Variants in SGCE observed in about 807,000 individuals in gnomAD.
The protein encoded by SGCE is sarcoglycan epsilon.
A neutral mutation model predicts 57.8 loss-of-function variants in SGCE; 26 were observed. The observed-to-expected ratio is 0.45, with a 90% CI of 0.33 to 0.62. SGCE has a LOEUF of 0.62. SGCE is among the 20% of genes least tolerant of loss of function. SGCE has a pLI of 0.02. For missense variants in SGCE, 468 were observed against 548.6 expected (o/e 0.85, Z 1.47); for synonymous variants, 183 against 189.5 (o/e 0.97, Z 0.28).
rs149295657 is a variant in SGCE at position 94,628,315 on chromosome 7, C to A, written c.277G>T (p.Gly93Cys). 3.7e-6 allele frequency: 6 copies of A among 1,611,120 alleles called. No individual in the cohort carries two copies. In the African/African-American group the frequency reaches 6.7e-5, roughly 18 times the overall value. The change falls in exon 3 of 11, where the codon GGT (glycine) becomes TGT (cysteine). Residue 93 changes from glycine to cysteine, a missense_variant. Coordinates refer to ENST00000648936, the MANE Select transcript of SGCE (RefSeq NM_003919.3). The stretch of plus-strand genomic sequence containing the variant: ...AGCCATCCAGGTCGGTCTGGGTAAC[C>A]CATTAAATTTGTATTAAATGTTATG... Reference protein sequence around the residue: ...DPITFNTNLMGYPDRPGWLRY... With the variant: ...DPITFNTNLMCYPDRPGWLRY...
intron 5 of SGCE, among the ~76,000 whole-genome samples, chr7:94,615,395 T>C (rs1380292638): frequency 6.6e-6 from 1 of 150,838 alleles, no homozygotes; most frequent in Admixed American, 6.6e-5. Flanking sequence ...GATAGATAGA[T>C]AGATAGATAG....
chr7:94,591,093 G>A (rs1282452341), intron 9 of SGCE, among the ~76,000 whole-genome samples: 2 of 152,156 alleles, frequency 1.3e-5, no homozygotes, highest in East Asian at 1.9e-4. Flanking sequence ...TCCTTGTGTA[G>A]GCTAGAGGAG....
intron 6 of SGCE, among the ~76,000 whole-genome samples, chr7:94,601,463 A>AAAAAG (rs1799239364): frequency 1.4e-5 from 1 of 69,892 alleles, no homozygotes; most frequent in Non-Finnish European, 4.2e-5. Context: ...AAAAAAAAAA[A>AAAAAG]AAAAAAAAAA....
At chr7:94,629,520 C>A in intron 2 of SGCE, 199 bp downstream of exon 2, 2 of 523,628 alleles carry the variant, frequency 3.8e-6, no homozygotes, top group East Asian at 3.7e-5. Flanking sequence ...ATATGCTTTC[C>A]TTAACATTCA....
intron 9 of SGCE, among the ~76,000 whole-genome samples, chr7:94,592,504 A>T (rs1242715711): frequency 2.0e-5 from 3 of 152,190 alleles, no homozygotes; most frequent in African/African-American, 7.2e-5. Context: ...CATTATGTAG[A>T]AATTTAAGAA....
At chr7:94,603,214 G>A in intron 6 of SGCE, 76 bp downstream of exon 6, 1 of 1,145,914 alleles carries the variant, frequency 8.7e-7, no homozygotes, top group Non-Finnish European at 1.3e-6. Context: ...CCTAAAAGCA[G>A]TTCAGGTTTT....
At chr7:94,611,130 C>A (rs1388216361) in intron 5 of SGCE, among the ~76,000 whole-genome samples, 2 of 152,156 alleles carry the variant, frequency 1.3e-5, no homozygotes, top group Non-Finnish European at 2.9e-5. Context: ...TATGACCCAG[C>A]AACTCGATTC....
At chr7:94,628,517 ACCACGTT>A in intron 2 of SGCE, 158 bp from the exon 3 acceptor site, 1 of 588,794 alleles carries the variant, frequency 1.7e-6, no homozygotes, top group Admixed American at 3.1e-5. Context: ...AAATTAGGGC[ACCACGTT>A]AAAAAAAATC....
chr7:94,598,341 A>G (rs1241165004), intron 9 of SGCE: 1 of 188,888 alleles, frequency 5.3e-6, no homozygotes, highest in Admixed American at 5.6e-5. Flanking sequence ...AAACAACCCA[A>G]ACACCCTTAA....
chr7:94,625,345 G>T (rs1303542660), intron 3 of SGCE: 1 of 151,888 alleles, frequency 6.6e-6, no homozygotes, highest in African/African-American at 2.4e-5. Flanking sequence ...TTATATGAAA[G>T]ATATGGTAAA....
At position 94,623,329 on chromosome 7, in the gene SGCE, TG is replaced by T; in HGVS notation, c.458del (p.Ala153GlufsTer17). ...TCAACATATTTTCATACCTACCTTC[TG>T]CAGACATTATATTAATTATCAAATT... ...RHNLIINIMS[A>X]EDFPLPYQAE... On this transcript the variant is annotated frameshift_variant, in exon 4 of 11. Transcript: ENST00000648936. LOFTEE classifies it high-confidence loss of function. 1 of 1,578,222 alleles carries T rather than the reference TG, an allele frequency of 6.3e-7. No homozygotes were observed. The highest frequency in any genetic ancestry group is 1.1e-5 in the South Asian group (1 of 89,166).
chr7:94,625,446 G>A (rs1380493187), intron 3 of SGCE: 8 of 151,848 alleles, frequency 5.3e-5, no homozygotes. Flanking sequence ...CACTCACAAT[G>A]AACTCTTATG....
Position 94,613,569 on chromosome 7 carries a change from C to A in SGCE, c.662+5189G>T, listed in dbSNP as rs139374361. Among the ~76,000 whole-genome samples, 473 of 152,014 alleles carry A rather than the reference C, an allele frequency of 3.1e-3. 2 individuals are homozygous for A. The highest frequency in any genetic ancestry group is 0.011 in the African/African-American group (454 of 41,462). ...GTTTCTTGTGAAGAATTTTTTTTATCCCAACAATTCAATTTCTCTTCTTTG... is the reference window on the plus strand; with the variant it reads ...GTTTCTTGTGAAGAATTTTTTTTATACCAACAATTCAATTTCTCTTCTTTG... On this transcript the variant is annotated intron_variant, in intron 5 of 10. Transcript: ENST00000648936.
intron 1 of SGCE, among the ~76,000 whole-genome samples, chr7:94,651,478 C>G (rs889006605): frequency 2.6e-5 from 4 of 152,168 alleles, no homozygotes; most frequent in Non-Finnish European, 5.9e-5. Flanking sequence ...GTCTGCCTCC[C>G]GCTCACACAG....
At chr7:94,633,062 T>C (rs1804964027) in intron 1 of SGCE, among the ~76,000 whole-genome samples, 1 of 152,060 alleles carries the variant, frequency 6.6e-6, no homozygotes, top group Non-Finnish European at 1.5e-5. Context: ...CTCTGAAATA[T>C]ACATGTGTAC....
intron 5 of SGCE, among the ~76,000 whole-genome samples, chr7:94,613,460 A>G (rs913067676): frequency 3.9e-5 from 6 of 152,192 alleles, no homozygotes; most frequent in Non-Finnish European, 7.3e-5. Flanking sequence ...ACAGGAGGCT[A>G]TTATCAAGTA....
At chr7:94,654,023 T>C (rs1030482389) in intron 1 of SGCE, among the ~76,000 whole-genome samples, 2 of 152,066 alleles carry the variant, frequency 1.3e-5, no homozygotes, top group Admixed American at 1.3e-4. Context: ...CTATGAAAAA[T>C]ATTTATTGTA....
Position 94,640,721 on chromosome 7 carries a change from C to T in SGCE, c.110-10880G>A, listed in dbSNP as rs576166173. On this transcript the variant is annotated intron_variant, in intron 1 of 10. Transcript: ENST00000648936. ...GGTGTGCAGTGGCGTGATCTCGGCT[C>T]ACTGCAACCTCCGCCTCCTGGGTTC... Among the ~76,000 whole-genome samples, 21 of 152,216 alleles carry T rather than the reference C, an allele frequency of 1.4e-4. 1 individual carries two copies. In the East Asian group the frequency reaches 2.1e-3, roughly 15 times the overall value.
chr7:94,625,372 T>C (rs190613381), intron 3 of SGCE: 85 of 152,146 alleles, frequency 5.6e-4, no homozygotes, highest in African/African-American at 1.9e-3. Flanking sequence ...TTTTTTTATC[T>C]TTTTACTATA....
Sources: allele counts gnomAD v4.1 joint callset (sites outside exome capture counted in the v4.1 genomes callset), GRCh38; gene constraint gnomAD v4.1.1; transcripts MANE v1.5; gene names NCBI Gene and HGNC (gene_info 2026-07-23, HGNC 2026-07-21).